The following SPTBN5 variants were observed in gnomAD, a reference collection of about 807,000 sequenced individuals.
The protein encoded by SPTBN5 is spectrin beta chain, non-erythrocytic 5.
In SPTBN5, 513 loss-of-function variants were observed where a neutral mutation model predicts 477.6. That is an observed-to-expected ratio of 1.07 (90% CI 1.00 to 1.16). The LOEUF (loss-of-function observed/expected upper bound fraction) is 1.16. Among genes scored for constraint, SPTBN5 ranks in the 50% most tolerant of loss-of-function variants. The pLI, the probability that SPTBN5 is intolerant of heterozygous loss-of-function variation, is 0.00. For synonymous variants in SPTBN5, 2,169 were observed against 2,011.7 expected (o/e 1.08, Z -2.09); for missense variants, 5,062 against 4,731.8 (o/e 1.07, Z -2.05).
At chr15:41,883,288 G>A (rs1196152873) in intron 8 of SPTBN5, 60 bp from the exon 9 acceptor site, 11 of 1,605,480 alleles carry the variant, frequency 6.9e-6, no homozygotes, top group South Asian at 1.1e-5. Context: ...CTGAGCACTG[G>A]CACTGGGGAA....
chr15:41,863,841 A>T (rs755804355), intron 40 of SPTBN5, 23 bp from the exon 41 acceptor site: 3 of 1,613,302 alleles, frequency 1.9e-6, no homozygotes, highest in Admixed American at 1.7e-5. Context: ...TGGTGGTGTC[A>T]TGTGGAGCCT....
intron 66 of SPTBN5, chr15:41,850,442 A>G (rs904774423): frequency 1.2e-4 from 28 of 230,884 alleles, no homozygotes; most frequent in African/African-American, 5.8e-4. Flanking sequence ...CTGCAAAACA[A>G]CTCAAGGGTG....
intron 27 of SPTBN5, 29 bp from the exon 28 acceptor site, chr15:41,871,946 A>G: frequency 2.6e-6 from 4 of 1,510,700 alleles, no homozygotes; most frequent in Non-Finnish European, 3.6e-6. Flanking sequence ...GTTCCCCAGA[A>G]GTGAGTTGCC....
rs376099155 is a variant in SPTBN5 at position 41,887,345 on chromosome 15, A to G, written c.756T>C (p.Ala252=). The G allele has an allele frequency of 3.5e-5, 55 of 1,552,296 alleles. No homozygotes were observed. In the African/African-American group the frequency reaches 7.5e-4, roughly 21 times the overall value. The change falls in exon 6 of 68, where the codon GCT becomes GCC. Residue 252 remains alanine (A), a synonymous_variant. Coordinates refer to ENST00000320955, the MANE Select transcript of SPTBN5 (RefSeq NM_016642.4). ...CCACGTCCTCGGGGTCCAGCAGCTGAGCAATGCCCAGCTCCTGCTCAGCCA... is the reference window on the plus strand; with the variant it reads ...CCACGTCCTCGGGGTCCAGCAGCTGGGCAATGCCCAGCTCCTGCTCAGCCA... ...FLVAEQELGI[A]QLLDPEDVAA...
intron 13 of SPTBN5, 96 bp downstream of exon 13, chr15:41,880,938 G>A: frequency 9.1e-7 from 1 of 1,097,746 alleles, no homozygotes; most frequent in Non-Finnish European, 1.3e-6. Flanking sequence ...TGAGGACAGG[G>A]AACATGTCAG....
Position 41,876,656 on chromosome 15 carries a change from C to CGGGGGGGG in SPTBN5, c.3852-17_3852-10dup, listed in dbSNP as rs371773496. ...GCAGCTGCTCTCTGACCCTGGAGGG[C>CGGGGGGGG]GGGGGGGGGTTGGAGGAGGGCATGG... On this transcript the variant is annotated splice_polypyrimidine_tract_variant and intron_variant, in intron 19 of 67. Transcript: ENST00000320955. The CGGGGGGGG allele has an allele frequency of 2.5e-4, 179 of 704,298 alleles. No individual in the cohort carries two copies. The highest frequency in any genetic ancestry group is 1.3e-3 in the Admixed American group (46 of 35,792). The allele number at this position is 704,298 out of a possible 1,614,324, so 43.6% of individuals were successfully genotyped here.
At position 41,865,862 on chromosome 15, in the gene SPTBN5, C is replaced by T. The variant is rs1474496738; in HGVS notation, c.6864G>A (p.Glu2288=). ...MNVGDLGQDL[E]HCLQLRRRLR... is the part of the protein sequence containing the mutation. ...GCCGCCGTCGGAGCTGCAGGCAGTG[C>T]TCCAGGTCCTGGCCCAGGTCACCAA... The change falls in exon 39 of 68, where the codon GAG becomes GAA. Residue 2288 remains glutamate, a synonymous_variant. Transcript: ENST00000320955. The T allele has an allele frequency of 1.9e-6, 3 of 1,584,108 alleles. No homozygotes were observed. Among genetic ancestry groups the T allele is most frequent in the East Asian group, 2.3e-5 (1 of 43,172 alleles).
At position 41,848,148 on chromosome 15, in the gene SPTBN5, A is replaced by AGGCGCTGAGACCATCTGTTATT; in HGVS notation, c.*446_*467dup. ...TACATCACAGACTCATACAAATGTG[A>AGGCGCTGAGACCATCTGTTATT]GGCGCTGAGACCATCTGTTATTACT... On this transcript the variant is annotated 3_prime_UTR_variant, in exon 68 of 68. Coordinates refer to ENST00000320955, the MANE Select transcript of SPTBN5 (RefSeq NM_016642.4). The AGGCGCTGAGACCATCTGTTATT allele has an allele frequency of 1.8e-6, 1 of 552,972 alleles. No homozygotes were observed. Among genetic ancestry groups the AGGCGCTGAGACCATCTGTTATT allele is most frequent in the Non-Finnish European group, 3.2e-6 (1 of 308,674 alleles). 34.3% of individuals were successfully genotyped at this position (552,972 alleles called of 1,614,324 possible). A position where few individuals can be genotyped will look rare whatever the true frequency, so the allele number is the denominator to read the frequency against.
At chr15:41,878,920 G>C (rs2066845013) in intron 16 of SPTBN5, among the ~76,000 whole-genome samples, 1 of 152,168 alleles carries the variant, frequency 6.6e-6, no homozygotes, top group Admixed American at 6.5e-5. Flanking sequence ...ACAAAAATTA[G>C]CCAGGCATGG....
chr15:41,860,678 G>C lies in SPTBN5; in HGVS notation c.7896C>G (p.Ile2632Met). 9 of 1,585,866 alleles carry C rather than the reference G, an allele frequency of 5.7e-6. No individual in the cohort carries two copies. Among genetic ancestry groups the C allele is most frequent in the Non-Finnish European group, 6.0e-6 (7 of 1,166,644 alleles). The change falls in exon 47 of 68, where the codon ATC becomes ATG. Residue 2632 changes from isoleucine (I) to methionine (M), a missense_variant. By Grantham distance (10) the Ile-to-Met change is conservative (BLOSUM62 1). Coordinates refer to ENST00000320955, the MANE Select transcript of SPTBN5 (RefSeq NM_016642.4). ...EWDLEVQAGK[I>M]SALEATARGL... Reference sequence around the variant, plus strand: ...CGCGGGCCGTGGCCTCCAGAGCACTGATCTTTCCCGCCTGCACCTCCAGGT... The same window carrying C: ...CGCGGGCCGTGGCCTCCAGAGCACTCATCTTTCCCGCCTGCACCTCCAGGT...
At position 41,873,067 on chromosome 15, in the gene SPTBN5, A is replaced by G. The variant is rs1439578610; in HGVS notation, c.5007+425T>C. The stretch of plus-strand genomic sequence containing the variant: ...AGACCTCCCTCCCTTCAGCCAGGGG[A>G]TGTTTGTGGGAGGAGGTCGGCTTCA... On this transcript the variant is annotated intron_variant, in intron 26 of 67. Transcript: ENST00000320955. 2.6e-5 allele frequency among the ~76,000 whole-genome samples: 4 copies of G among 152,100 alleles called. No individual in the cohort carries two copies. The East Asian group carries it at 7.7e-4, about 29-fold the overall frequency.
rs774086723 is a variant in SPTBN5 at position 41,855,628 on chromosome 15, C to A, written c.9139G>T (p.Asp3047Tyr). 1.2e-5 allele frequency: 20 copies of A among 1,610,332 alleles called. No individual in the cohort carries two copies. Among genetic ancestry groups the A allele is most frequent in the Non-Finnish European group, 1.6e-5 (19 of 1,179,556 alleles). Residue 3047 changes from aspartate to tyrosine, a missense_variant, in exon 54 of 68, where the codon GAC (aspartate) becomes TAC (tyrosine). Physicochemically the swap from Asp to Tyr is radical, Grantham distance 160 (BLOSUM62 -3). Coordinates refer to ENST00000320955, the MANE Select transcript of SPTBN5 (RefSeq NM_016642.4). The stretch of plus-strand genomic sequence containing the variant: ...ATGCGTGGGCTGAACGCTTCCAGGT[C>A]TCTCTTGGTGGCCTCCAGCCGCCGC... ...LLRRLEATKR[D>Y]LEAFSPRIER...
At chr15:41,851,581 T>TGGCAG (rs138547502) in intron 63 of SPTBN5, among the ~76,000 whole-genome samples, 198 bp downstream of exon 63, 2 of 120,064 alleles carry the variant, frequency 1.7e-5, no homozygotes, top group South Asian at 2.9e-4. Flanking sequence ...CAGCACCTCC[T>TGGCAG]GGTGGGGGTG....
intron 35 of SPTBN5, 62 bp from the exon 36 acceptor site, chr15:41,867,188 A>C: frequency 1.4e-6 from 2 of 1,461,836 alleles, no homozygotes; most frequent in Non-Finnish European, 1.8e-6. Context: ...CCTGGCCTGC[A>C]GGGCTCACAG....
At position 41,848,771 on chromosome 15, in the gene SPTBN5, C is replaced by T. The variant is rs975785804; in HGVS notation, c.11013-143G>A. 3.7e-5 allele frequency: 37 copies of T among 988,500 alleles called. No homozygotes were observed. In the Admixed American group the frequency reaches 6.6e-4, roughly 18 times the overall value. 61.2% of individuals were successfully genotyped at this position (988,500 alleles called of 1,614,324 possible). A position where few individuals can be genotyped will look rare whatever the true frequency, so the allele number is the denominator to read the frequency against. On this transcript the variant is annotated intron_variant, in intron 67 of 67. Transcript: ENST00000320955. ...GGGAGTGGATTCCAGAGCTGACTGA[C>T]AGGCGCTGCAGCAGCGACCACAGTG...
chr15:41,857,224 A>G lies in SPTBN5; in HGVS notation c.8621+14T>C. On this transcript the variant is annotated intron_variant, in intron 51 of 67. Coordinates refer to ENST00000320955, the MANE Select transcript of SPTBN5 (RefSeq NM_016642.4). The stretch of plus-strand genomic sequence containing the variant: ...AAGGCAGGGAAGAGAAGCTGAGGGC[A>G]CGGGTGGATCTACCTCTGAAGCAGC... 6.3e-7 allele frequency: 1 copy of G among 1,578,128 alleles called. No individual in the cohort carries two copies. Among genetic ancestry groups the G allele is most frequent in the Non-Finnish European group, 8.6e-7 (1 of 1,159,550 alleles).
chr15:41,852,363 C>T, intron 61 of SPTBN5, 47 bp from the exon 62 acceptor site: 3 of 1,514,654 alleles, frequency 2.0e-6, no homozygotes, highest in Non-Finnish European at 2.7e-6. Flanking sequence ...TCAGGGAGAC[C>T]AGCCACACCT....
chr15:41,862,688 G>A (rs750714553), intron 42 of SPTBN5, 28 bp from the exon 43 acceptor site: 1 of 1,541,834 alleles, frequency 6.5e-7, no homozygotes, highest in Non-Finnish European at 8.7e-7. Context: ...GTCAGAGGCT[G>A]GGGCAGGGGA....
chr15:41,886,186 G>T lies in SPTBN5; in HGVS notation c.1069C>A (p.Pro357Thr). 6.2e-7 allele frequency: 1 copy of T among 1,612,882 alleles called. No homozygotes were observed. Among genetic ancestry groups the T allele is most frequent in the Non-Finnish European group, 8.5e-7 (1 of 1,179,762 alleles). ...AFTIFRTQEK[P>T]PRLQQRGAAE... ...GCCCCTCGCTGCTGTAGCCGGGGTG[G>T]CTTCTCCTGGGTGCGGAAGATGGTG... The change falls in exon 7 of 68, where the codon CCA (proline) becomes ACA (threonine). Residue 357 changes from proline to threonine, a missense_variant. By Grantham distance (38) the Pro-to-Thr change is conservative. Coordinates refer to ENST00000320955, the MANE Select transcript of SPTBN5 (RefSeq NM_016642.4).
Sources: allele counts gnomAD v4.1 joint callset (sites outside exome capture counted in the v4.1 genomes callset), GRCh38; gene constraint gnomAD v4.1.1; transcripts MANE v1.5; gene names NCBI Gene and HGNC (gene_info 2026-07-23, HGNC 2026-07-21).